CEPT1: variants seen among roughly 807,000 people sequenced by gnomAD.
CEPT1 encodes the protein choline/ethanolamine phosphotransferase 1.
Under a neutral mutation model 42.6 loss-of-function variants are expected in CEPT1, and 7 were observed. The ratio of observed to expected loss-of-function variants is 0.16; its 90% CI spans 0.09 to 0.31. The LOEUF is 0.31. CEPT1 is among the 10% of genes least tolerant of loss of function. The pLI, the probability that CEPT1 is intolerant of heterozygous loss-of-function variation, is 1.00. For synonymous variants in CEPT1, 171 were observed against 171.9 expected, an observed-to-expected ratio of 0.99 and a Z score of 0.04; for missense variants, 306 against 502.1, an observed-to-expected ratio of 0.61 and a Z score of 3.73.
intron 2 of CEPT1, among the ~76,000 whole-genome samples, chr1:111,152,459 T>A (rs1557925259): frequency 6.6e-6 from 1 of 152,174 alleles, no homozygotes; most frequent in Non-Finnish European, 1.5e-5. Flanking sequence ...TAATAAAGTT[T>A]AACAGTATTT....
chr1:111,172,684 A>G (rs1656480628), intron 4 of CEPT1, among the ~76,000 whole-genome samples: 1 of 152,290 alleles, frequency 6.6e-6, no homozygotes, highest in African/African-American at 2.4e-5. Flanking sequence ...CACTGCATGC[A>G]CCCTTTTTCA....
At chr1:111,182,768 T>C in intron 6 of CEPT1, 31 bp from the exon 7 acceptor site, 2 of 1,582,850 alleles carry the variant, frequency 1.3e-6, no homozygotes, top group Non-Finnish European at 1.7e-6. Flanking sequence ...GAGTACTGAA[T>C]ACTATTAACT....
At chr1:111,170,100 T>C (rs1468184879) in intron 4 of CEPT1, among the ~76,000 whole-genome samples, 2 of 152,170 alleles carry the variant, frequency 1.3e-5, no homozygotes, top group South Asian at 2.1e-4. Flanking sequence ...TTGGCAAATT[T>C]TGTATTGTGC....
Position 111,184,271 on chromosome 1 carries a change from C to T in CEPT1, c.1212C>T (p.Phe404=). 1.9e-6 allele frequency: 3 copies of T among 1,612,972 alleles called. No homozygotes were observed. Among genetic ancestry groups the T allele is most frequent in the Middle Eastern group, 1.7e-4 (1 of 6,060 alleles). ...QIASHLHIHV[F]RIKVSTAHSN... Reference sequence around the variant, plus strand: ...CGTCTCACCTGCACATACATGTCTTCAGAATCAAGGTCTCTACAGCTCATT... The same window carrying T: ...CGTCTCACCTGCACATACATGTCTTTAGAATCAAGGTCTCTACAGCTCATT... The change falls in exon 9 of 9, where the codon TTC becomes TTT. Residue 404 remains phenylalanine, a synonymous_variant. Transcript: ENST00000357172.
intron 4 of CEPT1, among the ~76,000 whole-genome samples, chr1:111,163,029 G>A (rs2101322741): frequency 6.6e-6 from 1 of 152,070 alleles, no homozygotes; most frequent in African/African-American, 2.4e-5. Flanking sequence ...TAAAAAGAGG[G>A]AATGATTTAT....
At chr1:111,143,893 T>G (rs1478440096) in intron 1 of CEPT1, among the ~76,000 whole-genome samples, 1 of 152,116 alleles carries the variant, frequency 6.6e-6, no homozygotes, top group Non-Finnish European at 1.5e-5. Context: ...CAGGCCAGCA[T>G]GCTAAGCTAA....
At chr1:111,142,209 T>C (rs1166120706) in intron 1 of CEPT1, among the ~76,000 whole-genome samples, 3 of 152,338 alleles carry the variant, frequency 2.0e-5, no homozygotes, top group African/African-American at 4.8e-5. Context: ...ATATCTCTGA[T>C]TATACTTTTT....
At chr1:111,176,048 C>A (rs1254048445) in intron 5 of CEPT1, among the ~76,000 whole-genome samples, 3 of 152,158 alleles carry the variant, frequency 2.0e-5, no homozygotes, top group Non-Finnish European at 4.4e-5. Flanking sequence ...AATTGATACA[C>A]TACCCACAGT....
At chr1:111,167,394 G>A (rs1656192948) in intron 4 of CEPT1, 1 of 923,028 alleles carries the variant, frequency 1.1e-6, no homozygotes, top group Non-Finnish European at 1.3e-6. Context: ...TTTAAAAAGT[G>A]GTATTTCTGG....
intron 5 of CEPT1, chr1:111,180,272 G>A (rs1463629210): frequency 6.6e-6 from 1 of 152,098 alleles, no homozygotes; most frequent in Non-Finnish European, 1.5e-5. Context: ...TTGCCAGAGA[G>A]ATCTTTTGTC....
At chr1:111,146,460 T>C (rs959919371) in intron 1 of CEPT1, among the ~76,000 whole-genome samples, 1 of 152,184 alleles carries the variant, frequency 6.6e-6, no homozygotes, top group Non-Finnish European at 1.5e-5. Context: ...TTTTTTCTTC[T>C]GTTTCCTCAC....
At chr1:111,147,497 G>A (rs1482422854) in intron 1 of CEPT1, 145 bp from the exon 2 acceptor site, 46 of 398,774 alleles carry the variant, frequency 1.2e-4, no homozygotes, top group Non-Finnish European at 1.8e-5. Context: ...ACCAAAATCA[G>A]GTCCCTCCTT....
At chr1:111,150,507 G>A (rs192555204) in intron 2 of CEPT1, among the ~76,000 whole-genome samples, 57 of 151,882 alleles carry the variant, frequency 3.8e-4, no homozygotes, top group African/African-American at 1.3e-3. Flanking sequence ...AGAGAATTTC[G>A]TAAATTTTAT....
At chr1:111,167,488 C>G (rs1055632901) in intron 4 of CEPT1, 18 of 858,444 alleles carry the variant, frequency 2.1e-5, no homozygotes, top group Admixed American at 6.2e-5. Context: ...AAACAAATAC[C>G]TTTCCACCAG....
chr1:111,169,235 C>CT (rs1387116741), intron 4 of CEPT1, among the ~76,000 whole-genome samples: 1 of 152,198 alleles, frequency 6.6e-6, no homozygotes, highest in Non-Finnish European at 1.5e-5. Context: ...TCCCTTTACC[C>CT]TTACACTGTC....
intron 4 of CEPT1, among the ~76,000 whole-genome samples, chr1:111,173,868 G>T (rs941393192): frequency 2.6e-5 from 4 of 152,034 alleles, no homozygotes; most frequent in Non-Finnish European, 5.9e-5. Context: ...TCAGTATATA[G>T]AGAGCTGCCC....
chr1:111,178,220 T>A (rs1225451047), intron 5 of CEPT1: 1 of 152,228 alleles, frequency 6.6e-6, no homozygotes, highest in Non-Finnish European at 1.5e-5. Flanking sequence ...AAATGGAAAT[T>A]GCCTTCCAAA....
chr1:111,143,494 A>C (rs1029734274), intron 1 of CEPT1: 2 of 152,232 alleles, frequency 1.3e-5, no homozygotes, highest in African/African-American at 4.8e-5. Flanking sequence ...AGCTGGGATC[A>C]TGTCAGCCTC....
chr1:111,167,813 ACTTTC>A lies in CEPT1; in HGVS notation c.629+6522_629+6526del, dbSNP rs1004492565. On this transcript the variant is annotated intron_variant, in intron 4 of 8. Transcript: ENST00000357172. ...ATGTTACTATAGTCATTCTTTGAAT[ACTTTC>A]CTTTTTTGTTTTGTTTTCTTTTCAG... 3.5e-6 allele frequency: 3 copies of A among 857,910 alleles called. No individual in the cohort carries two copies. In the African/African-American group the frequency reaches 5.5e-5, roughly 16 times the overall value. 53.1% of individuals were successfully genotyped at this position (857,910 alleles called of 1,614,324 possible). A position where few individuals can be genotyped will look rare whatever the true frequency, so the allele number is the denominator to read the frequency against.
Sources: allele counts gnomAD v4.1 joint callset (sites outside exome capture counted in the v4.1 genomes callset), GRCh38; gene constraint gnomAD v4.1.1; transcripts MANE v1.5; gene names NCBI Gene and HGNC (gene_info 2026-07-23, HGNC 2026-07-21).